The following MYRFL variants were observed in gnomAD, a reference collection of about 807,000 sequenced individuals.
MYRFL encodes the protein myelin regulatory factor-like protein.
A neutral mutation model predicts 109.4 loss-of-function variants in MYRFL; 88 were observed. The observed-to-expected ratio is 0.80, with a 90% CI of 0.68 to 0.96. The LOEUF (loss-of-function observed/expected upper bound fraction) is 0.96, where lower values mean the gene tolerates loss of function less well. MYRFL is among the 40% of genes least tolerant of loss of function. MYRFL has a pLI of 0.00. For synonymous variants in MYRFL, 324 were observed against 320.9 expected (o/e 1.01, Z -0.10); for missense variants, 957 against 954.9 (o/e 1.00, Z -0.03).
chr12:69,836,055 G>T (rs1298853533), intron 1 of MYRFL, among the ~76,000 whole-genome samples: 1 of 152,198 alleles, frequency 6.6e-6, no homozygotes, highest in Non-Finnish European at 1.5e-5. Context: ...CTTGGAGAAT[G>T]AGTGCAAGGT....
intron 1 of MYRFL, among the ~76,000 whole-genome samples, chr12:69,844,296 G>A (rs932090315): frequency 4.6e-5 from 7 of 152,148 alleles, no homozygotes; most frequent in Non-Finnish European, 7.3e-5. Flanking sequence ...ACCTGGGGGA[G>A]CAGGTTGGGG....
At position 69,854,940 on chromosome 12, in the gene MYRFL, CAGTA is replaced by C. The variant is rs199927434; in HGVS notation, c.47-337_47-334del. Among the ~76,000 whole-genome samples the C allele has an allele frequency of 9.0e-3, 1,364 of 152,252 alleles. 21 individuals carry two copies. Among genetic ancestry groups the C allele is most frequent in the African/African-American group, 0.031 (1,282 of 41,542 alleles). On this transcript the variant is annotated intron_variant, in intron 1 of 24. Coordinates refer to ENST00000552032, the MANE Select transcript of MYRFL (RefSeq NM_182530.3). ...AAAATATCAACATATTTATTATAGT[CAGTA>C]AGAAACCAGTACATTTATTTTCATT...
chr12:69,838,259 G>A (rs769356789), intron 1 of MYRFL, among the ~76,000 whole-genome samples: 5 of 152,114 alleles, frequency 3.3e-5, no homozygotes, highest in Non-Finnish European at 5.9e-5. Context: ...TTCCAGGTGA[G>A]CCAACTCACC....
Position 69,958,272 on chromosome 12 carries a change from C to T in MYRFL, c.2595C>T (p.Leu865=), listed in dbSNP as rs1472044046. 1 of 1,536,502 alleles carries T rather than the reference C, an allele frequency of 6.5e-7. No individual in the cohort carries two copies. The highest frequency in any genetic ancestry group is 8.7e-7 in the Non-Finnish European group (1 of 1,146,980). ...AGGGATATCAGCACATTTGGAGCCTCCCTGTAGCCCCATTTTCTGACAGCA... is the reference window on the plus strand; with the variant it reads ...AGGGATATCAGCACATTTGGAGCCTTCCTGTAGCCCCATTTTCTGACAGCA... ...MTQGYQHIWS[L]PVAPFSDSMF... The change falls in exon 24 of 25, where the codon CTC becomes CTT. Residue 865 remains leucine, a synonymous_variant. Coordinates refer to ENST00000552032, the MANE Select transcript of MYRFL (RefSeq NM_182530.3).
At position 69,825,288 on chromosome 12, in the gene MYRFL, A is replaced by ATTTTT. The variant is rs753134125; in HGVS notation, c.-226_-222dup. 5 of 674,878 alleles carry ATTTTT rather than the reference A, an allele frequency of 7.4e-6. No individual in the cohort carries two copies. Among genetic ancestry groups the ATTTTT allele is most frequent in the Non-Finnish European group, 1.3e-5 (5 of 372,108 alleles). The allele number at this position is 674,878 out of a possible 1,614,324, so 41.8% of individuals were successfully genotyped here. A position where few individuals can be genotyped will look rare whatever the true frequency, so the allele number is the denominator to read the frequency against. On this transcript the variant is annotated 5_prime_UTR_variant, in exon 1 of 25. It removes the in-frame stop codon of an upstream open reading frame in the 5' UTR. Coordinates refer to ENST00000552032, the MANE Select transcript of MYRFL (RefSeq NM_182530.3). ...TTTGCTACCTCTTCCCTCTTCATGA[A>ATTTTT]TTTTTTTTAAATGTATGGTTGTATA... is the stretch of plus-strand genomic sequence containing the variant.
Position 69,910,875 on chromosome 12 carries a change from G to T in MYRFL, c.1547G>T (p.Gly516Val). ...EILPRAVREVGDVTCGNGETL... is the reference protein window; with the variant it reads ...EILPRAVREVVDVTCGNGETL... ...CTGCCCAGAGCAGTAAGAGAGGTTG[G>T]TGATGTCACCTGCGGAAACGGAGAG... The change falls in exon 13 of 25, where the codon GGT becomes GTT. Residue 516 changes from glycine (G) to valine (V), a missense_variant. Gly to Val is a moderately radical substitution (Grantham distance 109). Coordinates refer to ENST00000552032, the MANE Select transcript of MYRFL (RefSeq NM_182530.3). 1.3e-6 allele frequency: 2 copies of T among 1,535,380 alleles called. No individual in the cohort carries two copies. Among genetic ancestry groups the T allele is most frequent in the Non-Finnish European group, 1.7e-6 (2 of 1,146,374 alleles).
rs1954326467 is a variant in MYRFL, at chr12:69,905,534, A to G, written c.1383+1690A>G. The stretch of plus-strand genomic sequence containing the variant: ...TAAGAGTTTAGTCCTGACTCTGGCA[A>G]CCACCAGCCCAGGAACTTTGGCCGA... On this transcript the variant is annotated intron_variant, in intron 11 of 24. Coordinates refer to ENST00000552032, the MANE Select transcript of MYRFL (RefSeq NM_182530.3). Among the ~76,000 whole-genome samples, 3 of 152,282 alleles carry G rather than the reference A, an allele frequency of 2.0e-5. No homozygotes were observed. In the East Asian group the frequency reaches 5.8e-4, roughly 29 times the overall value.
chr12:69,905,085 C>T, intron 11 of MYRFL, among the ~76,000 whole-genome samples: 1 of 152,194 alleles, frequency 6.6e-6, no homozygotes, highest in African/African-American at 2.4e-5. Context: ...CATACATTTC[C>T]AGATGTCAGT....
chr12:69,856,359 T>TA (rs1184234173), intron 2 of MYRFL, among the ~76,000 whole-genome samples: 3 of 152,160 alleles, frequency 2.0e-5, no homozygotes, highest in Non-Finnish European at 4.4e-5. Context: ...CATGCTTCTA[T>TA]AAATATTTAT....
At chr12:69,898,204 T>G (rs1156527241) in intron 10 of MYRFL, among the ~76,000 whole-genome samples, 1 of 152,244 alleles carries the variant, frequency 6.6e-6, no homozygotes, top group Non-Finnish European at 1.5e-5. Context: ...CATCTCTCCT[T>G]GCCCGTGTTG....
chr12:69,836,096 G>C (rs957399138), intron 1 of MYRFL, among the ~76,000 whole-genome samples: 1 of 152,196 alleles, frequency 6.6e-6, no homozygotes, highest in African/African-American at 2.4e-5. Context: ...CGCAGCAGGT[G>C]GGGGAACCAG....
intron 1 of MYRFL, among the ~76,000 whole-genome samples, chr12:69,835,604 T>C (rs748175717): frequency 9.9e-5 from 15 of 152,226 alleles, no homozygotes; most frequent in Non-Finnish European, 1.5e-4. Flanking sequence ...ATGTAGTGGA[T>C]TCCGTAGATG....
At chr12:69,861,323 A>G (rs1317045773) in intron 2 of MYRFL, among the ~76,000 whole-genome samples, 2 of 152,178 alleles carry the variant, frequency 1.3e-5, no homozygotes, top group African/African-American at 4.8e-5. Context: ...GAATTGCCAC[A>G]CTGACTTCCA....
At position 69,880,951 on chromosome 12, in the gene MYRFL, G is replaced by GGTTTTTTTTTT. The variant is rs1555246956; in HGVS notation, c.556+659_556+660insGTTTTTTTTTT. Among the ~76,000 whole-genome samples, 100 of 112,628 alleles carry GGTTTTTTTTTT rather than the reference G, an allele frequency of 8.9e-4. 9 individuals carry two copies. The highest frequency in any genetic ancestry group is 2.0e-3 in the East Asian group (7 of 3,442). 73.9% of individuals were successfully genotyped at this position (112,628 alleles called of 152,430 possible). Reference sequence around the variant, plus strand: ...TAATGTCCAAGCGGTCAGCCTTCCTGTTTTTTTTTTTTTTTTTTGTCTTAT... The same window carrying GGTTTTTTTTTT: ...TAATGTCCAAGCGGTCAGCCTTCCTGGTTTTTTTTTTTTTTTTTTTTTTTTTTTTGTCTTAT... On this transcript the variant is annotated intron_variant, in intron 5 of 24. Coordinates refer to ENST00000552032, the MANE Select transcript of MYRFL (RefSeq NM_182530.3).
At chr12:69,911,095 T>C (rs1954552262) in intron 13 of MYRFL, among the ~76,000 whole-genome samples, 165 bp downstream of exon 13, 1 of 152,204 alleles carries the variant, frequency 6.6e-6, no homozygotes, top group African/African-American at 2.4e-5. Context: ...ATAATTGATA[T>C]TCAAATTGAT....
chr12:69,863,391 T>G (rs1234087032), intron 2 of MYRFL, among the ~76,000 whole-genome samples: 1 of 152,222 alleles, frequency 6.6e-6, no homozygotes, highest in Non-Finnish European at 1.5e-5. Flanking sequence ...GGACTCTTTT[T>G]GGTTGGTAAG....
chr12:69,887,763 T>C (rs1886548302), intron 6 of MYRFL, among the ~76,000 whole-genome samples: 1 of 152,222 alleles, frequency 6.6e-6, no homozygotes, highest in Admixed American at 6.5e-5. Flanking sequence ...ATATTTTCCT[T>C]AAAAGAAAAT....
chr12:69,898,958 A>G (rs933418087), intron 10 of MYRFL, among the ~76,000 whole-genome samples: 1 of 152,258 alleles, frequency 6.6e-6, no homozygotes, highest in Non-Finnish European at 1.5e-5. Flanking sequence ...TGAGATCATA[A>G]TGATGACTTT....
Position 69,927,691 on chromosome 12 carries a change from T to C in MYRFL, c.1773T>C (p.Ser591=), listed in dbSNP as rs1955140645. The stretch of plus-strand genomic sequence containing the variant: ...TTTTCTCTCTCTTTTAAAGCAAATC[T>C]AGCAGAGCCGTTAGTGCATCTTCTC... The part of the protein sequence containing the change: ...SASEASTISK[S]SRAVSASSPR... Residue 591 remains serine, a synonymous_variant, in exon 15 of 25, where the codon TCT becomes TCC. Transcript: ENST00000552032. 1 of 1,533,262 alleles carries C rather than the reference T, an allele frequency of 6.5e-7. No homozygotes were observed. The highest frequency in any genetic ancestry group is 1.2e-5 in the South Asian group (1 of 83,474). The allele number at this position is 1,533,262 out of a possible 1,614,324, so 95.0% of individuals were successfully genotyped here. A position where few individuals can be genotyped will look rare whatever the true frequency, so the allele number is the denominator to read the frequency against.
Sources: allele counts gnomAD v4.1 joint callset (sites outside exome capture counted in the v4.1 genomes callset), GRCh38; gene constraint gnomAD v4.1.1; transcripts MANE v1.5; gene names NCBI Gene and HGNC (gene_info 2026-07-23, HGNC 2026-07-21).